The following ASTN2 variants were observed in gnomAD, a reference collection of about 807,000 sequenced individuals.
ASTN2 encodes the protein astrotactin 2, also known as astrotactin-2.
Under a neutral mutation model 139.8 loss-of-function variants are expected in ASTN2, and 54 were observed. The observed-to-expected ratio is 0.39, with a 90% confidence interval of 0.31 to 0.48. The LOEUF (loss-of-function observed/expected upper bound fraction) is 0.48. ASTN2 is among the 20% of genes least tolerant of loss of function. ASTN2 has a pLI of 0.95. For synonymous variants in ASTN2, 756 were observed against 719.5 expected, an observed-to-expected ratio of 1.05 and a Z score of -0.81; for missense variants, 1,565 against 1,725.1, an observed-to-expected ratio of 0.91 and a Z score of 1.64.
rs1480373714 is a variant in ASTN2 at position 116,699,498 on chromosome 9, CGTG to C, written c.2806+26270_2806+26272del. ...CATTGCTGGCATGTGTGTGGATGCT[CGTG>C]GTGATCTCATCGTGGCTGACAGTAG... On this transcript the variant is annotated intron_variant, in intron 16 of 22. Coordinates refer to ENST00000313400, the MANE Select transcript of ASTN2 (RefSeq NM_001365068.1). The surrounding 1 kb of genome is among the most constrained non-coding windows in gnomAD (Gnocchi z 4.2). The C allele has an allele frequency of 7.4e-6, 12 of 1,613,634 alleles. No homozygotes were observed. Among genetic ancestry groups the C allele is most frequent in the South Asian group, 4.4e-5 (4 of 91,034 alleles).
chr9:116,912,425 G>C (rs1164288327), intron 10 of ASTN2, among the ~76,000 whole-genome samples: 1 of 152,214 alleles, frequency 6.6e-6, no homozygotes, highest in Admixed American at 6.5e-5. Flanking sequence ...TTCATTCTCA[G>C]TGCTAAGAAA....
At chr9:117,065,155 G>A (rs1827898475) in intron 5 of ASTN2, among the ~76,000 whole-genome samples, 1 of 152,104 alleles carries the variant, frequency 6.6e-6, no homozygotes, top group Admixed American at 6.5e-5. Context: ...AGCTCCAGGA[G>A]GCTAGGAGGA....
chr9:116,993,692 C>G (rs1000963380), intron 7 of ASTN2, among the ~76,000 whole-genome samples: 1 of 147,092 alleles, frequency 6.8e-6, no homozygotes. Flanking sequence ...TAGTAAATAG[C>G]ATGATAAAGT....
chr9:116,516,494 T>C (rs1850654971), intron 19 of ASTN2, among the ~76,000 whole-genome samples: 1 of 152,214 alleles, frequency 6.6e-6, no homozygotes, highest in Non-Finnish European at 1.5e-5. Flanking sequence ...ATATGGCAGA[T>C]AGGAGGAAGG....
At chr9:117,001,679 C>A (rs1837194160) in intron 7 of ASTN2, among the ~76,000 whole-genome samples, 1 of 152,084 alleles carries the variant, frequency 6.6e-6, no homozygotes. Flanking sequence ...TACTCATAGT[C>A]CCTATTGATT....
At chr9:117,300,268 A>T (rs566184610) in intron 1 of ASTN2, among the ~76,000 whole-genome samples, 2 of 152,262 alleles carry the variant, frequency 1.3e-5, no homozygotes, top group African/African-American at 4.8e-5. Context: ...TGTTCCCTCT[A>T]AGCAGCAGCA....
chr9:117,296,849 G>A (rs892273115), intron 1 of ASTN2, among the ~76,000 whole-genome samples: 8 of 152,216 alleles, frequency 5.3e-5, no homozygotes, highest in East Asian at 1.9e-4. Context: ...GCTGCAACTC[G>A]TGAAATATTC....
chr9:116,580,685 GT>G (rs142133369), intron 19 of ASTN2, among the ~76,000 whole-genome samples: 1 of 152,074 alleles, frequency 6.6e-6, no homozygotes, highest in Non-Finnish European at 1.5e-5. Flanking sequence ...CACTTAATGG[GT>G]TTTTTTGGCA....
At chr9:116,584,371 C>A (rs1245509747) in intron 19 of ASTN2, 1 of 152,078 alleles carries the variant, frequency 6.6e-6, no homozygotes, top group African/African-American at 2.4e-5. Flanking sequence ...GGACAAATGG[C>A]CTGCTATCAA....
chr9:116,781,485 T>A (rs1266931683), intron 13 of ASTN2, among the ~76,000 whole-genome samples: 8 of 152,090 alleles, frequency 5.3e-5, no homozygotes, highest in Admixed American at 3.9e-4. Flanking sequence ...CATGCCTATA[T>A]CATTTGGATG....
intron 19 of ASTN2, among the ~76,000 whole-genome samples, chr9:116,532,330 T>C (rs1341112334): frequency 1.3e-5 from 2 of 152,220 alleles, no homozygotes; most frequent in African/African-American, 2.4e-5. Context: ...ACTCTGATGG[T>C]ATTTCCTTTT....
intron 2 of ASTN2, among the ~76,000 whole-genome samples, chr9:117,256,233 T>G (rs1156572995): frequency 6.6e-6 from 1 of 152,122 alleles, no homozygotes; most frequent in South Asian, 2.1e-4. Context: ...CCTCCTATGC[T>G]TTCCAGAGAA....
intron 10 of ASTN2, among the ~76,000 whole-genome samples, chr9:116,874,673 G>T (rs1027299227): frequency 1.3e-5 from 2 of 152,200 alleles, no homozygotes; most frequent in African/African-American, 4.8e-5. Flanking sequence ...AAATGAGTTT[G>T]TGCATTTCAC....
At chr9:116,854,661 T>A (rs1832691832) in intron 11 of ASTN2, among the ~76,000 whole-genome samples, 1 of 151,004 alleles carries the variant, frequency 6.6e-6, no homozygotes, top group African/African-American at 2.4e-5. Flanking sequence ...CTTTTTTTTT[T>A]TTTTTTTTTG....
intron 4 of ASTN2, among the ~76,000 whole-genome samples, chr9:117,099,223 C>T (rs1366170924): frequency 1.3e-5 from 2 of 152,122 alleles, no homozygotes; most frequent in Non-Finnish European, 1.5e-5. Context: ...AAAACATCTG[C>T]CATACTCTCT....
chr9:116,940,193 C>T (rs542356073), intron 10 of ASTN2, among the ~76,000 whole-genome samples: 6 of 152,302 alleles, frequency 3.9e-5, no homozygotes, highest in Admixed American at 2.0e-4. Context: ...GTGAGCCTCT[C>T]GCTTCAGTTT....
intron 16 of ASTN2, among the ~76,000 whole-genome samples, chr9:116,663,934 C>T (rs929687327): frequency 3.9e-5 from 6 of 152,140 alleles, no homozygotes; most frequent in African/African-American, 1.4e-4. Context: ...AGCACTCTTC[C>T]ACAATATTAG....
chr9:116,502,668 A>G (rs1849910559), intron 19 of ASTN2, among the ~76,000 whole-genome samples: 1 of 146,284 alleles, frequency 6.8e-6, no homozygotes, highest in South Asian at 2.3e-4. Flanking sequence ...AGAAAAACAG[A>G]AGGAAGAAAG....
rs532908292 is a variant in ASTN2 at position 116,945,370 on chromosome 9, A to T, written c.1889+29838T>A. On this transcript the variant is annotated intron_variant, in intron 10 of 22. Coordinates refer to ENST00000313400, the MANE Select transcript of ASTN2 (RefSeq NM_001365068.1). Reference sequence around the variant, plus strand: ...TGCACCAAATTCATGTTCTGTGAGTAATGAAATGGGGACTGAATGTCAGGC... The same window carrying T: ...TGCACCAAATTCATGTTCTGTGAGTTATGAAATGGGGACTGAATGTCAGGC... Among the ~76,000 whole-genome samples the T allele has an allele frequency of 2.0e-5, 3 of 152,290 alleles. No individual in the cohort carries two copies. The East Asian group carries it at 5.8e-4, about 29-fold the overall frequency.
Sources: allele counts gnomAD v4.1 joint callset (sites outside exome capture counted in the v4.1 genomes callset), GRCh38; gene constraint gnomAD v4.1.1; non-coding constraint Gnocchi (gnomAD v3.1); transcripts MANE v1.5; gene names NCBI Gene and HGNC (gene_info 2026-07-23, HGNC 2026-07-21).